Variants in CNOT10 observed in about 807,000 individuals in gnomAD.
CNOT10 encodes CCR4-NOT transcription complex, subunit 10.
Under a neutral mutation model 94.6 loss-of-function variants are expected in CNOT10, and 30 were observed. The ratio of observed to expected loss-of-function variants is 0.32; its 90% CI spans 0.24 to 0.43. The LOEUF is 0.43. Ranked by LOEUF, CNOT10 falls within the 20% of genes least tolerant of loss-of-function variation. CNOT10 has a pLI of 1.00. For synonymous variants in CNOT10, 289 were observed against 301.6 expected (o/e 0.96, Z 0.43); for missense variants, 759 against 877.2 (o/e 0.87, Z 1.70).
intron 1 of CNOT10, among the ~76,000 whole-genome samples, chr3:32,686,354 A>G (rs1696600993): frequency 6.6e-6 from 1 of 152,238 alleles, no homozygotes; most frequent in African/African-American, 2.4e-5. Context: ...ATTTAATTTA[A>G]AATTAAAGAA....
Position 32,737,438 on chromosome 3 carries a change from A to C in CNOT10, c.1543A>C (p.Ile515Leu), listed in dbSNP as rs149968042. The change falls in exon 13 of 19, where the codon ATT (isoleucine) becomes CTT (leucine). Residue 515 changes from isoleucine (I) to leucine (L), a missense_variant. Physicochemically the swap from Ile to Leu is conservative, Grantham distance 5 (BLOSUM62 2). Around this residue, in one of 3 missense-constraint regions of CNOT10, gnomAD observed 682 missense variants for 799.4 expected, o/e 0.85. Coordinates refer to ENST00000328834, the MANE Select transcript of CNOT10 (RefSeq NM_015442.3). ...TAAAAGCCATGATGGAGATAAATTC[A>C]TTCCAGCTCCACCTTCTTCTCCATT... ...SSKSHDGDKF[I>L]PAPPSSPLRK... The C allele has an allele frequency of 1.3e-4, 213 of 1,611,912 alleles. No homozygotes were observed. The highest frequency in any genetic ancestry group is 1.7e-4 in the Non-Finnish European group (203 of 1,178,286).
intron 18 of CNOT10, 68 bp downstream of exon 18, chr3:32,770,030 G>C: frequency 8.2e-7 from 1 of 1,215,332 alleles, no homozygotes; most frequent in Non-Finnish European, 1.2e-6. Context: ...TTGGGAGACA[G>C]GGTCTCACTG....
intron 13 of CNOT10, chr3:32,753,916 T>TATCA: frequency 9.1e-7 from 1 of 1,096,310 alleles, no homozygotes; most frequent in South Asian, 1.4e-5. Context: ...ATTAATTTGC[T>TATCA]CTCACACACA....
chr3:32,739,935 A>G (rs1264689673), intron 13 of CNOT10, among the ~76,000 whole-genome samples: 1 of 152,166 alleles, frequency 6.6e-6, no homozygotes, highest in African/African-American at 2.4e-5. Context: ...CGAAAGAAAA[A>G]AAGAAAAAAA....
chr3:32,773,579 A>G lies in CNOT10; in HGVS notation c.2203A>G (p.Met735Val). The G allele has an allele frequency of 6.2e-7, 1 of 1,613,990 alleles. No homozygotes were observed. The highest frequency in any genetic ancestry group is 2.2e-5 in the East Asian group (1 of 44,872). The change falls in exon 19 of 19, where the codon ATG becomes GTG. Residue 735 changes from methionine (M) to valine (V), a missense_variant. This residue lies in a region of CNOT10 where 73 missense variants were observed against 61.0 expected (regional missense o/e 1.20). Coordinates refer to ENST00000328834, the MANE Select transcript of CNOT10 (RefSeq NM_015442.3). Reference sequence around the variant, plus strand: ...TGTCCACCCGATCCAGCCCATCCAAATGCCGGCTTTCACCACTGTGCAGAG... The same window carrying G: ...TGTCCACCCGATCCAGCCCATCCAAGTGCCGGCTTTCACCACTGTGCAGAG... ...QPVHPIQPIQ[M>V]PAFTTVQRK is the part of the protein sequence containing the mutation.
At position 32,737,428 on chromosome 3, in the gene CNOT10, A is replaced by G; in HGVS notation, c.1533A>G (p.Gly511=). 6.2e-7 allele frequency: 1 copy of G among 1,609,582 alleles called. No individual in the cohort carries two copies. The highest frequency in any genetic ancestry group is 8.5e-7 in the Non-Finnish European group (1 of 1,176,206). ...SETCSSKSHD[G]DKFIPAPPSS... Reference sequence around the variant, plus strand: ...ATTTTAGCAGTAAAAGCCATGATGGAGATAAATTCATTCCAGCTCCACCTT... The same window carrying G: ...ATTTTAGCAGTAAAAGCCATGATGGGGATAAATTCATTCCAGCTCCACCTT... The change falls in exon 13 of 19, where the codon GGA becomes GGG. Residue 511 remains glycine, a synonymous_variant. Transcript: ENST00000328834.
chr3:32,729,227 A>G (rs571787819), intron 10 of CNOT10, among the ~76,000 whole-genome samples: 1 of 152,338 alleles, frequency 6.6e-6, no homozygotes, highest in South Asian at 2.1e-4. Flanking sequence ...TCTCTGACAC[A>G]TGATTGCCCA....
chr3:32,737,321 A>G, intron 12 of CNOT10, 89 bp from the exon 13 acceptor site: 2 of 830,048 alleles, frequency 2.4e-6, no homozygotes, highest in East Asian at 5.2e-5. Flanking sequence ...CTCAAAAAAA[A>G]AGTTGGGAGT....
intron 8 of CNOT10, among the ~76,000 whole-genome samples, chr3:32,723,642 G>T (rs1414904032): frequency 6.6e-6 from 1 of 152,120 alleles, no homozygotes; most frequent in Non-Finnish European, 1.5e-5. Context: ...GATTCAAAAT[G>T]TAAACACACA....
At chr3:32,738,167 G>A (rs929202237) in intron 13 of CNOT10, among the ~76,000 whole-genome samples, 6 of 152,134 alleles carry the variant, frequency 3.9e-5, no homozygotes, top group African/African-American at 1.2e-4. Context: ...AACAACGGGC[G>A]CTAAGGCCTC....
intron 15 of CNOT10, among the ~76,000 whole-genome samples, chr3:32,763,923 G>A (rs1241799534): frequency 2.6e-5 from 4 of 152,142 alleles, no homozygotes; most frequent in Non-Finnish European, 5.9e-5. Context: ...CTAAGGTCAG[G>A]AGTTCAAGAC....
chr3:32,715,105 G>C (rs990060915), intron 5 of CNOT10, among the ~76,000 whole-genome samples: 2 of 152,156 alleles, frequency 1.3e-5, no homozygotes, highest in Admixed American at 1.3e-4. Flanking sequence ...ATGCTTATGT[G>C]CTCTGCCCGG....
chr3:32,749,221 C>T (rs1332373063), intron 13 of CNOT10, among the ~76,000 whole-genome samples: 1 of 151,442 alleles, frequency 6.6e-6, no homozygotes, highest in Non-Finnish European at 1.5e-5. Flanking sequence ...TGAAGGTGCC[C>T]TTTGAAGCAT....
chr3:32,739,882 G>A (rs753699781), intron 13 of CNOT10, among the ~76,000 whole-genome samples: 45 of 151,958 alleles, frequency 3.0e-4, no homozygotes, highest in Non-Finnish European at 5.4e-4. Flanking sequence ...CCAAGACCGC[G>A]CCGTTGCACT....
At chr3:32,752,434 G>A (rs572257661) in intron 13 of CNOT10, among the ~76,000 whole-genome samples, 16 of 152,240 alleles carry the variant, frequency 1.1e-4, no homozygotes, top group African/African-American at 2.4e-4. Context: ...TTAAGATCCC[G>A]TCCATGTGTA....
At chr3:32,703,681 G>A (rs1222316901) in intron 1 of CNOT10, 187 bp from the exon 2 acceptor site, 11 of 521,054 alleles carry the variant, frequency 2.1e-5, no homozygotes, top group Non-Finnish European at 1.7e-5. Context: ...AGGATGGCAA[G>A]AGATTTCATC....
At chr3:32,727,035 T>C (rs958106825) in intron 9 of CNOT10, among the ~76,000 whole-genome samples, 4 of 151,808 alleles carry the variant, frequency 2.6e-5, no homozygotes, top group Non-Finnish European at 5.9e-5. Context: ...TTAGTAGAGA[T>C]GGGGTTTCAC....
At chr3:32,687,913 A>T (rs1696700286) in intron 1 of CNOT10, among the ~76,000 whole-genome samples, 1 of 152,180 alleles carries the variant, frequency 6.6e-6, no homozygotes, top group Non-Finnish European at 1.5e-5. Flanking sequence ...CGTCTGGTGA[A>T]CACTATTCAT....
intron 1 of CNOT10, among the ~76,000 whole-genome samples, chr3:32,702,438 A>G (rs1697395323): frequency 1.3e-5 from 2 of 152,240 alleles, no homozygotes; most frequent in Non-Finnish European, 2.9e-5. Context: ...AGCAAATTAT[A>G]GAGGTAGGAG....
Sources: gnomAD v4.1 joint callset for allele counts (sites outside exome capture counted in the v4.1 genomes callset) on GRCh38, gnomAD v4.1.1 for gene constraint, gnomAD v4.1.1 regional missense constraint, MANE v1.5 for transcripts, NCBI Gene and HGNC (gene_info 2026-07-23, HGNC 2026-07-21) for gene names.